The following SNTG1 variants were observed in gnomAD, a reference collection of about 807,000 sequenced individuals.
SNTG1 encodes gamma-1-syntrophin.
Under a neutral mutation model 74.7 loss-of-function variants are expected in SNTG1, and 39 were observed. The observed-to-expected ratio is 0.52, with a 90% CI of 0.40 to 0.68. The LOEUF (loss-of-function observed/expected upper bound fraction) is 0.68, where lower values mean the gene tolerates loss of function less well. Ranked by LOEUF, SNTG1 falls within the 30% of genes least tolerant of loss-of-function variation. The pLI, the probability that SNTG1 is intolerant of heterozygous loss-of-function variation, is 0.00. For missense variants in SNTG1, 685 were observed against 609.5 expected (o/e 1.12, Z -1.30); for synonymous variants, 254 against 217.1 (o/e 1.17, Z -1.49).
intron 2 of SNTG1, among the ~76,000 whole-genome samples, chr8:50,305,959 T>A (rs1053070161): frequency 6.6e-6 from 1 of 151,850 alleles, no homozygotes; most frequent in African/African-American, 2.4e-5. Flanking sequence ...TTCGGTTACA[T>A]GGATAAATTT....
At chr8:50,665,866 T>A (rs2095248502) in intron 15 of SNTG1, among the ~76,000 whole-genome samples, 1 of 152,150 alleles carries the variant, frequency 6.6e-6, no homozygotes, top group Non-Finnish European at 1.5e-5. Flanking sequence ...CTTACTTAGT[T>A]TCAAAGTACC....
intron 1 of SNTG1, among the ~76,000 whole-genome samples, chr8:49,935,940 C>G (rs1220072881): frequency 6.6e-6 from 1 of 152,198 alleles, no homozygotes; most frequent in Non-Finnish European, 1.5e-5. Context: ...CTGCGATCTT[C>G]CCTCTGACAT....
At chr8:50,368,196 C>G (rs2092169753) in intron 2 of SNTG1, among the ~76,000 whole-genome samples, 1 of 152,092 alleles carries the variant, frequency 6.6e-6, no homozygotes, top group South Asian at 2.1e-4. Flanking sequence ...CCACTGTAAG[C>G]TGGAGGAAAA....
intron 1 of SNTG1, among the ~76,000 whole-genome samples, chr8:50,138,370 A>G (rs2081544843): frequency 6.6e-6 from 1 of 151,952 alleles, no homozygotes. Context: ...TAATCCCAGC[A>G]CTTTTGGGAG....
intron 2 of SNTG1, among the ~76,000 whole-genome samples, chr8:50,299,643 C>A (rs1412631223): frequency 6.6e-6 from 1 of 151,998 alleles, no homozygotes; most frequent in Non-Finnish European, 1.5e-5. Context: ...CTAAATTGAT[C>A]CAAAATATTG....
intron 1 of SNTG1, among the ~76,000 whole-genome samples, chr8:50,056,419 A>T (rs1236337669): frequency 6.6e-6 from 1 of 152,100 alleles, no homozygotes; most frequent in East Asian, 1.9e-4. Context: ...CATTTCTTTT[A>T]TTTTTTAAAG....
At chr8:50,787,032 A>C (rs1010220796) in intron 18 of SNTG1, among the ~76,000 whole-genome samples, 1 of 151,956 alleles carries the variant, frequency 6.6e-6, no homozygotes, top group East Asian at 1.9e-4. Context: ...GTAATACTAT[A>C]AAAAAGGTGA....
intron 2 of SNTG1, among the ~76,000 whole-genome samples, chr8:50,268,760 A>G (rs1458516502): frequency 1.3e-5 from 2 of 151,854 alleles, no homozygotes; most frequent in Non-Finnish European, 2.9e-5. Context: ...GAGTTCAAGC[A>G]ATTCTCATGC....
intron 2 of SNTG1, among the ~76,000 whole-genome samples, chr8:50,381,390 A>T (rs1049829354): frequency 6.6e-6 from 1 of 151,606 alleles, no homozygotes; most frequent in East Asian, 1.9e-4. Flanking sequence ...AGCATTAAAA[A>T]TTTCATATCT....
chr8:50,005,580 G>A (rs1043915061), intron 1 of SNTG1, among the ~76,000 whole-genome samples: 5 of 151,870 alleles, frequency 3.3e-5, no homozygotes, highest in African/African-American at 9.7e-5. Flanking sequence ...TATGCAATAA[G>A]GGTTACTATA....
intron 2 of SNTG1, among the ~76,000 whole-genome samples, chr8:50,179,441 G>A (rs1229795367): frequency 6.6e-6 from 1 of 152,012 alleles, no homozygotes; most frequent in Non-Finnish European, 1.5e-5. Flanking sequence ...ATAAACATTA[G>A]TTATTAAACT....
chr8:50,260,695 C>A (rs1331780367), intron 2 of SNTG1, among the ~76,000 whole-genome samples: 6 of 143,584 alleles, frequency 4.2e-5, no homozygotes, highest in African/African-American at 1.3e-4. Flanking sequence ...GGAAAAAAAA[C>A]CAGACAATAT....
intron 1 of SNTG1, among the ~76,000 whole-genome samples, chr8:49,995,541 A>G (rs761038905): frequency 1.2e-4 from 18 of 152,260 alleles, no homozygotes; most frequent in Non-Finnish European, 2.9e-5. Context: ...TTTCTCCAAT[A>G]GCATTCAGCA....
chr8:50,432,881 C>A (rs1170321751), intron 4 of SNTG1, among the ~76,000 whole-genome samples: 1 of 152,068 alleles, frequency 6.6e-6, no homozygotes, highest in Non-Finnish European at 1.5e-5. Context: ...ACCTCCACCT[C>A]CCTGGTTCAA....
At chr8:50,123,274 T>C (rs2131365283) in intron 1 of SNTG1, among the ~76,000 whole-genome samples, 1 of 143,034 alleles carries the variant, frequency 7.0e-6, no homozygotes, top group East Asian at 2.0e-4. Context: ...CATCGGTGCA[T>C]AAAAGCATAG....
At chr8:50,460,320 T>C (rs2093548900) in intron 8 of SNTG1, among the ~76,000 whole-genome samples, 1 of 152,210 alleles carries the variant, frequency 6.6e-6, no homozygotes, top group Admixed American at 6.5e-5. Flanking sequence ...TGACCATTTT[T>C]TAACAGGGTC....
chr8:50,318,561 C>T (rs902961978), intron 2 of SNTG1, among the ~76,000 whole-genome samples: 5 of 152,268 alleles, frequency 3.3e-5, no homozygotes, highest in South Asian at 2.1e-4. Context: ...GTGACTCCCA[C>T]GGTAAGACTC....
chr8:50,455,266 A>G (rs1284133870), intron 8 of SNTG1, among the ~76,000 whole-genome samples: 1 of 152,224 alleles, frequency 6.6e-6, no homozygotes, highest in African/African-American at 2.4e-5. Flanking sequence ...AGATGGATGC[A>G]TAGCTGATTC....
chr8:50,654,642 C>A (rs1467352937), intron 13 of SNTG1, among the ~76,000 whole-genome samples: 5 of 151,944 alleles, frequency 3.3e-5, no homozygotes, highest in Non-Finnish European at 1.5e-5. Flanking sequence ...TATTTTTATT[C>A]TCTTCCAAGA....
Sources: allele counts gnomAD v4.1 joint callset (sites outside exome capture counted in the v4.1 genomes callset), GRCh38; gene constraint gnomAD v4.1.1; transcripts MANE v1.5; gene names NCBI Gene and HGNC (gene_info 2026-07-23, HGNC 2026-07-21).